Variants in SHC4 observed in about 807,000 individuals in gnomAD.
The protein encoded by SHC4 is SHC adaptor protein 4, also known as SHC-transforming protein 4.
Under a neutral mutation model 69.4 loss-of-function variants are expected in SHC4, and 41 were observed. The ratio of observed to expected loss-of-function variants is 0.59; its 90% CI spans 0.46 to 0.77. SHC4 has a LOEUF of 0.77. Ranked by LOEUF, SHC4 falls within the 30% of genes least tolerant of loss-of-function variation. The pLI is 0.00. For missense variants in SHC4, 777 were observed against 783.8 expected (o/e 0.99, Z 0.10); for synonymous variants, 318 against 299.3 (o/e 1.06, Z -0.64).
intron 4 of SHC4, chr15:48,878,334 A>G: frequency 6.2e-7 from 1 of 1,613,628 alleles, no homozygotes; most frequent in African/African-American, 1.3e-5. Flanking sequence ...CAACAGCTCG[A>G]GGAGGAAGGC....
At chr15:48,872,284 T>C (rs933094780) in intron 4 of SHC4, 142 bp from the exon 5 acceptor site, 1 of 514,222 alleles carries the variant, frequency 1.9e-6, no homozygotes, top group Non-Finnish European at 3.4e-6. Context: ...CTACACTCTA[T>C]AATAATCTCA....
intron 1 of SHC4, among the ~76,000 whole-genome samples, chr15:48,960,323 A>G (rs74014905): frequency 0.013 from 1,932 of 152,300 alleles, 38 homozygotes; most frequent in African/African-American, 0.045. Flanking sequence ...GGCAGAGGCT[A>G]GAGGATGTGT....
Position 48,870,229 on chromosome 15 carries a change from G to T in SHC4, c.894+1860C>A, listed in dbSNP as rs78866391. 5.9e-3 allele frequency among the ~76,000 whole-genome samples: 894 copies of T among 152,298 alleles called. 5 individuals carry two copies. Among genetic ancestry groups the T allele is most frequent in the Middle Eastern group, 0.017 (5 of 294 alleles). On this transcript the variant is annotated intron_variant, in intron 5 of 11. Coordinates refer to ENST00000332408, the MANE Select transcript of SHC4 (RefSeq NM_203349.4). ...GAAAGTGCTGGTATTTTTCAGCCTG[G>T]ATTCAGTTGACCCTCCCTGCCAGCC...
At chr15:48,955,100 C>T (rs1397307204) in intron 1 of SHC4, among the ~76,000 whole-genome samples, 1 of 152,172 alleles carries the variant, frequency 6.6e-6, no homozygotes, top group Non-Finnish European at 1.5e-5. Flanking sequence ...GGATCCCTCT[C>T]TTGGGTTTCC....
intron 4 of SHC4, chr15:48,880,029 A>C (rs1338895522): frequency 6.0e-6 from 1 of 167,128 alleles, no homozygotes; most frequent in Non-Finnish European, 1.5e-5. Flanking sequence ...CCTTACTAAG[A>C]TGCTGAAGTT....
chr15:48,893,396 T>G lies in SHC4; in HGVS notation c.657-2585A>C, dbSNP rs144329914. ...TGCCAGACGGTAAATATTTCAGACT[T>G]TGCTCTTTTGCAAGTACTCAACTCT... On this transcript the variant is annotated intron_variant, in intron 2 of 11. Transcript: ENST00000332408. Among the ~76,000 whole-genome samples, 1,211 of 152,276 alleles carry G rather than the reference T, an allele frequency of 8.0e-3. 20 individuals carry two copies. The highest frequency in any genetic ancestry group is 0.028 in the African/African-American group (1,154 of 41,572).
At position 48,832,733 on chromosome 15, in the gene SHC4, A is replaced by G. The variant is rs116383870; in HGVS notation, c.1737+2036T>C. On this transcript the variant is annotated intron_variant, in intron 11 of 11. Coordinates refer to ENST00000332408, the MANE Select transcript of SHC4 (RefSeq NM_203349.4). ...TCCCTTAGGCTTTCTTCACTTTTTA[A>G]AAGTAATATTTTTGTTGTTGTTCCT... Among the ~76,000 whole-genome samples the G allele has an allele frequency of 6.4e-3, 981 of 152,158 alleles. 8 individuals carry two copies. Among genetic ancestry groups the G allele is most frequent in the African/African-American group, 0.021 (888 of 41,506 alleles).
chr15:48,886,316 G>A (rs982139242), intron 3 of SHC4, among the ~76,000 whole-genome samples: 6 of 151,992 alleles, frequency 3.9e-5, no homozygotes, highest in African/African-American at 7.2e-5. Context: ...TCTCACAGTC[G>A]AAAAGCATTT....
chr15:48,953,997 G>A (rs1901404990), intron 1 of SHC4, among the ~76,000 whole-genome samples: 1 of 152,206 alleles, frequency 6.6e-6, no homozygotes, highest in Non-Finnish European at 1.5e-5. Context: ...GCTTAGATTC[G>A]ATTTACAGGA....
At chr15:48,921,312 G>C (rs1023652937) in intron 2 of SHC4, among the ~76,000 whole-genome samples, 1 of 150,810 alleles carries the variant, frequency 6.6e-6, no homozygotes, top group Admixed American at 6.6e-5. Context: ...TGGGGAGGAA[G>C]AGGAAATGGG....
At chr15:48,933,474 A>G (rs1901009896) in intron 1 of SHC4, among the ~76,000 whole-genome samples, 1 of 152,176 alleles carries the variant, frequency 6.6e-6, no homozygotes, top group Non-Finnish European at 1.5e-5. Flanking sequence ...CAGAAAACTT[A>G]ATAATGTTAA....
intron 1 of SHC4, among the ~76,000 whole-genome samples, chr15:48,939,861 C>T (rs8027252): frequency 0.019 from 2,853 of 152,356 alleles, 80 homozygotes; most frequent in African/African-American, 0.066. Context: ...TGGATGTCCT[C>T]TGCTCTGAAA....
At chr15:48,906,713 T>C (rs1224851272) in intron 2 of SHC4, among the ~76,000 whole-genome samples, 3 of 152,192 alleles carry the variant, frequency 2.0e-5, no homozygotes, top group Non-Finnish European at 2.9e-5. Flanking sequence ...CCCTGTCCTT[T>C]ATTAGTTTGA....
At chr15:48,935,250 A>G (rs1332880360) in intron 1 of SHC4, among the ~76,000 whole-genome samples, 1 of 152,148 alleles carries the variant, frequency 6.6e-6, no homozygotes, top group Non-Finnish European at 1.5e-5. Flanking sequence ...CAGTTTTTTG[A>G]AATATTCTGT....
intron 8 of SHC4, 37 bp downstream of exon 8, chr15:48,855,916 G>A: frequency 1.3e-6 from 2 of 1,575,016 alleles, no homozygotes; most frequent in East Asian, 2.3e-5. Context: ...GGGCAGAATT[G>A]CATTGCTGGT....
intron 11 of SHC4, among the ~76,000 whole-genome samples, chr15:48,827,496 T>C (rs1237520216): frequency 9.9e-5 from 15 of 152,162 alleles, no homozygotes; most frequent in Non-Finnish European, 1.6e-4. Context: ...AGCTGACCAA[T>C]CCTTCCATTC....
chr15:48,932,634 C>G (rs28473704), intron 1 of SHC4, among the ~76,000 whole-genome samples: 1 of 152,138 alleles, frequency 6.6e-6, no homozygotes, highest in Non-Finnish European at 1.5e-5. Context: ...TTATTAACAC[C>G]TACTCATCAT....
intron 1 of SHC4, among the ~76,000 whole-genome samples, chr15:48,934,497 G>C (rs1901031277): frequency 6.6e-6 from 1 of 152,096 alleles, no homozygotes; most frequent in South Asian, 2.1e-4. Context: ...TTGCTGGTGG[G>C]AATACAACAT....
chr15:48,837,359 T>C (rs1273919504), intron 10 of SHC4, among the ~76,000 whole-genome samples: 1 of 152,216 alleles, frequency 6.6e-6, no homozygotes, highest in East Asian at 1.9e-4. Flanking sequence ...TTTGTTTATT[T>C]TGCTTAATTT....
Sources: allele counts gnomAD v4.1 joint callset (sites outside exome capture counted in the v4.1 genomes callset), GRCh38; gene constraint gnomAD v4.1.1; transcripts MANE v1.5; gene names NCBI Gene and HGNC (gene_info 2026-07-23, HGNC 2026-07-21).